Variants in PITPNC1 observed in about 807,000 individuals in gnomAD.
PITPNC1 encodes cytoplasmic phosphatidylinositol transfer protein 1.
In PITPNC1, 18 loss-of-function variants were observed where a neutral mutation model predicts 44.7. The ratio of observed to expected loss-of-function variants is 0.40; its 90% CI spans 0.28 to 0.60. PITPNC1 has a LOEUF of 0.60. Among genes scored for constraint, PITPNC1 ranks in the 20% least tolerant of loss-of-function variants. The probability of loss-of-function intolerance (pLI) is 0.39; values close to 1 mark genes in which losing one functional copy is unlikely to be tolerated. For synonymous variants in PITPNC1, 141 were observed against 149.6 expected, an observed-to-expected ratio of 0.94 and a Z score of 0.42; for missense variants, 290 against 418.4, an observed-to-expected ratio of 0.69 and a Z score of 2.68.
intron 1 of PITPNC1, among the ~76,000 whole-genome samples, chr17:67,487,255 A>G (rs535971982): frequency 7.9e-5 from 12 of 151,736 alleles, no homozygotes; most frequent in Non-Finnish European, 1.5e-4. Flanking sequence ...GCTCACTGCA[A>G]CCTCTGCCTC....
chr17:67,458,278 C>T (rs1037965719), intron 1 of PITPNC1, among the ~76,000 whole-genome samples: 8 of 152,110 alleles, frequency 5.3e-5, no homozygotes, highest in Admixed American at 6.5e-5. Flanking sequence ...AAACTAACAC[C>T]GTATCTCTGT....
chr17:67,398,093 CAAAAAAAA>C (rs534488396), intron 1 of PITPNC1, among the ~76,000 whole-genome samples: 1 of 97,848 alleles, frequency 1.0e-5, no homozygotes, highest in South Asian at 3.4e-4. Flanking sequence ...ACTCCGTCTC[CAAAAAAAA>C]AAAAAAAAAA....
chr17:67,485,314 G>T (rs1329664427), intron 1 of PITPNC1, among the ~76,000 whole-genome samples: 1 of 151,646 alleles, frequency 6.6e-6, no homozygotes, highest in Non-Finnish European at 1.5e-5. Flanking sequence ...TTGCACTAGG[G>T]TATCTGCTAG....
intron 1 of PITPNC1, among the ~76,000 whole-genome samples, chr17:67,414,422 C>A (rs567284500): frequency 6.6e-6 from 1 of 151,834 alleles, no homozygotes; most frequent in African/African-American, 2.4e-5. Flanking sequence ...ATAATTATGC[C>A]GAATGAAAAA....
At chr17:67,532,015 C>G (rs1389015290) in intron 1 of PITPNC1, among the ~76,000 whole-genome samples, 2 of 152,188 alleles carry the variant, frequency 1.3e-5, no homozygotes, top group Non-Finnish European at 1.5e-5. Context: ...GATGGAACAG[C>G]TCATACATGA....
intron 6 of PITPNC1, chr17:67,638,363 G>A (rs1010200267): frequency 6.6e-6 from 1 of 152,262 alleles, no homozygotes; most frequent in Non-Finnish European, 1.5e-5. Context: ...TTCTAGTCAA[G>A]TTCAAGTCCA....
At chr17:67,536,023 G>A (rs1442181732) in intron 2 of PITPNC1, among the ~76,000 whole-genome samples, 1 of 152,216 alleles carries the variant, frequency 6.6e-6, no homozygotes. Context: ...AACTACTAAA[G>A]GATGTGCTGT....
chr17:67,659,930 A>G (rs1292935007), intron 6 of PITPNC1, among the ~76,000 whole-genome samples: 1 of 152,098 alleles, frequency 6.6e-6, no homozygotes, highest in Non-Finnish European at 1.5e-5. Flanking sequence ...CCCAGGATGC[A>G]GTGCAGTGGC....
At chr17:67,559,713 C>G (rs994817110) in intron 4 of PITPNC1, among the ~76,000 whole-genome samples, 1 of 152,124 alleles carries the variant, frequency 6.6e-6, no homozygotes, top group Non-Finnish European at 1.5e-5. Flanking sequence ...ATGGTGAAAC[C>G]TTGTCTCGAC....
At chr17:67,424,085 C>CAAAAAAAAAAAAAAAAAAAAAAAA (rs71139144) in intron 1 of PITPNC1, among the ~76,000 whole-genome samples, 1 of 76,120 alleles carries the variant, frequency 1.3e-5, no homozygotes, top group Non-Finnish European at 2.5e-5. Flanking sequence ...GAGACTGTCT[C>CAAAAAAAAAAAAAAAAAAAAAAAA]AAAAAAAAAA....
chr17:67,460,666 C>T (rs1264129393), intron 1 of PITPNC1, among the ~76,000 whole-genome samples: 5 of 151,492 alleles, frequency 3.3e-5, no homozygotes, highest in African/African-American at 1.2e-4. Flanking sequence ...CCACTCACCT[C>T]GGCCTCCCAA....
At chr17:67,494,205 C>CTTTCTTTCTTTCTTTCTT (rs2039907773) in intron 1 of PITPNC1, among the ~76,000 whole-genome samples, 2 of 146,470 alleles carry the variant, frequency 1.4e-5, no homozygotes, top group Non-Finnish European at 3.0e-5. Flanking sequence ...TTCTTTCTTT[C>CTTTCTTTCTTTCTTTCTT]TTTCTTTCTT....
intron 1 of PITPNC1, among the ~76,000 whole-genome samples, chr17:67,425,299 A>AAGAAG (rs2038747233): frequency 6.7e-6 from 1 of 150,178 alleles, no homozygotes; most frequent in Admixed American, 6.7e-5. Flanking sequence ...TCTCTAGAGA[A>AAGAAG]AGAAGAATCA....
At chr17:67,494,185 T>TTTTTCTTTCTTTCTTTCTTTCTTTCTTTC (rs2039904694) in intron 1 of PITPNC1, among the ~76,000 whole-genome samples, 2 of 102,428 alleles carry the variant, frequency 2.0e-5, no homozygotes, top group African/African-American at 7.6e-5. Flanking sequence ...CTTTCTTTCT[T>TTTTTCTTTCTTTCTTTCTTTCTTTCTTTC]TTTCTTTCTT....
At chr17:67,409,771 C>G (rs1345925533) in intron 1 of PITPNC1, among the ~76,000 whole-genome samples, 1 of 151,828 alleles carries the variant, frequency 6.6e-6, no homozygotes, top group Non-Finnish European at 1.5e-5. Flanking sequence ...CTCCTGACCT[C>G]AAATGATCCA....
intron 1 of PITPNC1, among the ~76,000 whole-genome samples, chr17:67,427,489 G>A (rs893787169): frequency 6.6e-6 from 1 of 152,138 alleles, no homozygotes; most frequent in African/African-American, 2.4e-5. Flanking sequence ...TGGTATTACA[G>A]GCATGAGCCA....
chr17:67,572,771 C>T (rs539083252), intron 4 of PITPNC1, among the ~76,000 whole-genome samples: 18 of 146,570 alleles, frequency 1.2e-4, no homozygotes, highest in Middle Eastern at 3.5e-3. Flanking sequence ...AAAAAAAGAC[C>T]TGACAGCAGG....
At chr17:67,590,266 A>G (rs940689280) in intron 5 of PITPNC1, among the ~76,000 whole-genome samples, 1 of 152,214 alleles carries the variant, frequency 6.6e-6, no homozygotes, top group African/African-American at 2.4e-5. Context: ...CTGTATTTTA[A>G]AAGAAATAAA....
chr17:67,537,611 CA>C (rs1470728407), intron 2 of PITPNC1, among the ~76,000 whole-genome samples: 1 of 152,060 alleles, frequency 6.6e-6, no homozygotes, highest in African/African-American at 2.4e-5. Flanking sequence ...AAGTTGGCAT[CA>C]AATCTCAAAT....
Sources: gnomAD v4.1 joint callset for allele counts (sites outside exome capture counted in the v4.1 genomes callset) on GRCh38, gnomAD v4.1.1 for gene constraint, MANE v1.5 for transcripts, NCBI Gene and HGNC (gene_info 2026-07-23, HGNC 2026-07-21) for gene names.